LOC400499: variants seen among roughly 807,000 people sequenced by gnomAD.
the LOC400499 span, chr16:11,475,590 C>G: frequency 2.5e-6 from 1 of 398,934 alleles, no homozygotes; most frequent in Non-Finnish European, 4.4e-6. Flanking sequence ...GGATGCCCAC[C>G]TTGGTACAAT....
the LOC400499 span, among the ~76,000 whole-genome samples, chr16:11,464,170 T>TGTATGG: frequency 0.86 from 130,300 of 151,756 alleles, 55,941 homozygotes; most frequent in South Asian, 0.9. Flanking sequence ...TATGGACATG[T>TGTATGG]GTATGTCATA....
At chr16:11,461,650 A>G in the LOC400499 span, among the ~76,000 whole-genome samples, 1 of 152,264 alleles carries the variant, frequency 6.6e-6, no homozygotes. Context: ...CAGAACGCAC[A>G]GGTGAAACTG....
the LOC400499 span, among the ~76,000 whole-genome samples, chr16:11,509,142 G>A: frequency 2.3e-5 from 3 of 129,256 alleles, no homozygotes; most frequent in South Asian, 2.3e-4. Flanking sequence ...TTTTTGAGAC[G>A]GAGTCGCACT....
the LOC400499 span, among the ~76,000 whole-genome samples, chr16:11,427,277 C>G: frequency 7.0e-6 from 1 of 143,274 alleles, no homozygotes; most frequent in African/African-American, 2.7e-5. Flanking sequence ...GCACAAGAAT[C>G]GCAGAGGTTG....
At chr16:11,438,203 T>G in the LOC400499 span, among the ~76,000 whole-genome samples, 1 of 152,198 alleles carries the variant, frequency 6.6e-6, no homozygotes, top group East Asian at 1.9e-4. Context: ...CATCAGCTCC[T>G]GGAACAAATG....
At chr16:11,457,548 G>A in the LOC400499 span, among the ~76,000 whole-genome samples, 2 of 143,722 alleles carry the variant, frequency 1.4e-5, no homozygotes, top group African/African-American at 2.6e-5. Context: ...AGCCGAGATC[G>A]CACCACTGCA....
the LOC400499 span, among the ~76,000 whole-genome samples, chr16:11,455,228 G>C: frequency 6.6e-6 from 1 of 152,090 alleles, no homozygotes; most frequent in Non-Finnish European, 1.5e-5. Context: ...TTAACAAAAG[G>C]TAACTCTTTT....
chr16:11,515,155 T>TA, the LOC400499 span, among the ~76,000 whole-genome samples: 1 of 151,806 alleles, frequency 6.6e-6, no homozygotes, highest in Non-Finnish European at 1.5e-5. Flanking sequence ...AAATTTTTTT[T>TA]AAAAAACTAA....
chr16:11,522,822 G>A, the LOC400499 span, among the ~76,000 whole-genome samples: 5 of 152,142 alleles, frequency 3.3e-5, no homozygotes, highest in Non-Finnish European at 5.9e-5. Context: ...CTGTAAAGCT[G>A]CCCAGCCTTG....
At chr16:11,419,189 CAAA>C in the LOC400499 span, among the ~76,000 whole-genome samples, 4 of 130,350 alleles carry the variant, frequency 3.1e-5, no homozygotes, top group Admixed American at 2.2e-4. Context: ...ACAACAACAA[CAAA>C]AAAAATATAC....
At chr16:11,515,744 GAAAAGGGAGGAGGAGGAGA>G in the LOC400499 span, among the ~76,000 whole-genome samples, 87 of 148,458 alleles carry the variant, frequency 5.9e-4, no homozygotes, top group East Asian at 9.9e-4. Context: ...GGAGGAGGAG[GAAAAGGGAGGAGGAGGAGA>G]AAAAGGGAGG....
the LOC400499 span, among the ~76,000 whole-genome samples, chr16:11,502,861 G>A: frequency 5.3e-5 from 8 of 149,828 alleles, no homozygotes; most frequent in South Asian, 4.2e-4. Context: ...TGATCTGCCC[G>A]CCTCGGCCTT....
the LOC400499 span, among the ~76,000 whole-genome samples, chr16:11,520,717 A>C: frequency 6.6e-6 from 1 of 151,418 alleles, no homozygotes; most frequent in Non-Finnish European, 1.5e-5. Flanking sequence ...GAAGTGACCA[A>C]GAGGAAGTAT....
At chr16:11,401,802 G>GAACC in the LOC400499 span, among the ~76,000 whole-genome samples, 1 of 152,260 alleles carries the variant, frequency 6.6e-6, no homozygotes, top group African/African-American at 2.4e-5. Context: ...CTATCACGGG[G>GAACC]TAAGCATTCA....
chr16:11,465,965 A>G, the LOC400499 span, among the ~76,000 whole-genome samples: 1 of 152,202 alleles, frequency 6.6e-6, no homozygotes, highest in Non-Finnish European at 1.5e-5. Flanking sequence ...TGGGAATTCC[A>G]TTGTTAAGAA....
chr16:11,378,276 A>G, the LOC400499 span, among the ~76,000 whole-genome samples: 2,936 of 79,260 alleles, frequency 0.037, 57 homozygotes, highest in Non-Finnish European at 0.041. Context: ...TGCCGGGGGG[A>G]GGGGGGAGGT....
At chr16:11,476,458 C>T in the LOC400499 span, among the ~76,000 whole-genome samples, 3 of 152,146 alleles carry the variant, frequency 2.0e-5, no homozygotes, top group South Asian at 2.1e-4. Context: ...CACACATGCT[C>T]GTGGACACAC....
chr16:11,500,736 C>G, the LOC400499 span: 4 of 398,484 alleles, frequency 1.0e-5, no homozygotes, highest in East Asian at 7.1e-5. Flanking sequence ...TCACCTCCCC[C>G]ACATCTAACC....
chr16:11,382,890 A>C, the LOC400499 span, among the ~76,000 whole-genome samples: 1 of 152,114 alleles, frequency 6.6e-6, no homozygotes, highest in African/African-American at 2.4e-5. Context: ...GGGGGTAGGG[A>C]ATCCATTTAC....
Sources: allele counts gnomAD v4.1 joint callset (sites outside exome capture counted in the v4.1 genomes callset), GRCh38; gene constraint gnomAD v4.1.1; transcripts MANE v1.5.